Variants in COG5 observed in about 807,000 individuals in gnomAD.
COG5 encodes the protein component of oligomeric golgi complex 5.
Under a neutral mutation model 110.4 loss-of-function variants are expected in COG5, and 86 were observed. The ratio of observed to expected loss-of-function variants is 0.78; its 90% CI spans 0.65 to 0.93. The LOEUF (loss-of-function observed/expected upper bound fraction) is 0.93, where lower values mean the gene tolerates loss of function less well. COG5 is among the 40% of genes least tolerant of loss of function. The probability of loss-of-function intolerance (pLI) is 0.00; values close to 1 mark genes in which losing one functional copy is unlikely to be tolerated. For missense variants in COG5, 1,077 were observed against 987.0 expected (o/e 1.09, Z -1.22); for synonymous variants, 360 against 334.6 (o/e 1.08, Z -0.83).
At chr7:107,463,518 T>A (rs1293321313) in intron 6 of COG5, among the ~76,000 whole-genome samples, 1 of 152,216 alleles carries the variant, frequency 6.6e-6, no homozygotes, top group Non-Finnish European at 1.5e-5. Flanking sequence ...CTGTAAGTAT[T>A]CATAGTGTAA....
chr7:107,517,725 T>C (rs1442179471), intron 6 of COG5, among the ~76,000 whole-genome samples: 1 of 144,950 alleles, frequency 6.9e-6, no homozygotes, highest in African/African-American at 2.6e-5. Context: ...TGTGATGGAG[T>C]CTCACTCTGT....
intron 6 of COG5, among the ~76,000 whole-genome samples, chr7:107,516,716 G>T (rs1481444071): frequency 1.3e-5 from 2 of 152,122 alleles, no homozygotes; most frequent in African/African-American, 4.8e-5. Flanking sequence ...ATACCCAGGT[G>T]AACAGGGTCT....
At chr7:107,513,042 C>T (rs1312685341) in intron 6 of COG5, among the ~76,000 whole-genome samples, 2 of 151,926 alleles carry the variant, frequency 1.3e-5, no homozygotes, top group Admixed American at 1.3e-4. Context: ...ACAAAATTGA[C>T]AAATGGGATC....
Position 107,362,092 on chromosome 7 carries a change from CT to C in COG5, c.966del (p.Val323TyrfsTer18). 1.2e-6 allele frequency: 2 copies of C among 1,608,508 alleles called. No individual in the cohort carries two copies. Among genetic ancestry groups the C allele is most frequent in the Non-Finnish European group, 1.7e-6 (2 of 1,175,840 alleles). ...AVCGQVQHLQ[K>X]VLAKKRDPVS... ...ACAGGATCTCTCTTCTTGGCCAATA[CT>C]TTTTGTAGATGTTGTACCTTAAATG... On this transcript the variant is annotated frameshift_variant, in exon 10 of 22. Coordinates refer to ENST00000297135, the MANE Select transcript of COG5 (RefSeq NM_006348.5). LOFTEE classifies it high-confidence loss of function.
chr7:107,431,486 A>C (rs1349207478), intron 6 of COG5, among the ~76,000 whole-genome samples: 1 of 152,212 alleles, frequency 6.6e-6, no homozygotes, highest in African/African-American at 2.4e-5. Flanking sequence ...CTCTAATTTA[A>C]AACTTTTTAA....
chr7:107,407,320 T>G (rs1438452207), intron 7 of COG5, among the ~76,000 whole-genome samples: 2 of 152,114 alleles, frequency 1.3e-5, no homozygotes, highest in African/African-American at 4.8e-5. Context: ...AGTCGGAGGT[T>G]TCAGTGAGCC....
chr7:107,308,190 C>T (rs1274829893), intron 11 of COG5, among the ~76,000 whole-genome samples: 3 of 152,172 alleles, frequency 2.0e-5, no homozygotes, highest in African/African-American at 4.8e-5. Context: ...ATCCTCTGAT[C>T]CTGTATTTCC....
chr7:107,313,985 G>A (rs1226349458), intron 11 of COG5, among the ~76,000 whole-genome samples: 1 of 152,008 alleles, frequency 6.6e-6, no homozygotes, highest in Non-Finnish European at 1.5e-5. Context: ...GCACAAAATG[G>A]GAAATCACCC....
In COG5 at chr7:107,283,742, C is replaced by T; in HGVS notation, c.1314-10G>A. The T allele has an allele frequency of 6.2e-7, 1 of 1,611,892 alleles. No individual in the cohort carries two copies. The highest frequency in any genetic ancestry group is 8.5e-7 in the Non-Finnish European group (1 of 1,178,232). On this transcript the variant is annotated splice_polypyrimidine_tract_variant and intron_variant, in intron 12 of 21. Coordinates refer to ENST00000297135, the MANE Select transcript of COG5 (RefSeq NM_006348.5). ...CAAAGCCTTTTCTGGACTGTGGAAA[C>T]AAAATTTTTTAAAAACTAACTTAAA... is the stretch of plus-strand genomic sequence containing the variant.
chr7:107,509,147 G>GA (rs1413024030), intron 6 of COG5, among the ~76,000 whole-genome samples: 5 of 151,920 alleles, frequency 3.3e-5, no homozygotes, highest in Admixed American at 1.3e-4. Flanking sequence ...TAAAAACCTT[G>GA]AAAAAAAAGT....
At chr7:107,529,312 G>A (rs999582051) in intron 5 of COG5, among the ~76,000 whole-genome samples, 3 of 152,210 alleles carry the variant, frequency 2.0e-5, no homozygotes, top group Admixed American at 1.3e-4. Flanking sequence ...GTCGGTTGAT[G>A]ATTTGGAAGT....
chr7:107,234,603 T>G (rs1801028277), intron 18 of COG5, among the ~76,000 whole-genome samples: 1 of 152,088 alleles, frequency 6.6e-6, no homozygotes, highest in Admixed American at 6.6e-5. Flanking sequence ...CGGCTGCCAC[T>G]CTAATTGGAC....
intron 14 of COG5, among the ~76,000 whole-genome samples, chr7:107,269,385 GA>G (rs1248807207): frequency 6.6e-6 from 1 of 151,460 alleles, no homozygotes; most frequent in Admixed American, 6.6e-5. Context: ...TGAGGCAGGA[GA>G]ATGGCATGAA....
rs187904948 is a variant in COG5, at chr7:107,287,549, C to T, written c.1314-3817G>A. 9.9e-5 allele frequency among the ~76,000 whole-genome samples: 15 copies of T among 152,284 alleles called. No individual in the cohort carries two copies. In the East Asian group the frequency reaches 2.7e-3, roughly 27 times the overall value. ...TACAATTTGATGAATTTTGTATATTCAGAGATCTGTGCTATCATCACCACA... is the reference window on the plus strand; with the variant it reads ...TACAATTTGATGAATTTTGTATATTTAGAGATCTGTGCTATCATCACCACA... On this transcript the variant is annotated intron_variant, in intron 12 of 21. Coordinates refer to ENST00000297135, the MANE Select transcript of COG5 (RefSeq NM_006348.5).
intron 8 of COG5, among the ~76,000 whole-genome samples, chr7:107,368,071 G>A (rs1465071744): frequency 2.0e-5 from 3 of 152,066 alleles, no homozygotes; most frequent in African/African-American, 7.2e-5. Context: ...GGGGCGGGAA[G>A]GGAAAAGTAT....
At chr7:107,269,598 T>C (rs1168003750) in intron 14 of COG5, among the ~76,000 whole-genome samples, 1 of 152,258 alleles carries the variant, frequency 6.6e-6, no homozygotes, top group African/African-American at 2.4e-5. Flanking sequence ...ATTTTATACC[T>C]TAATGTGGAC....
chr7:107,527,281 C>T lies in COG5; in HGVS notation c.494G>A (p.Gly165Glu). Residue 165 changes from glycine (G) to glutamate (E), a missense_variant, in exon 6 of 22, where the codon GGA becomes GAA. By Grantham distance (98) the Gly-to-Glu change is moderately conservative (BLOSUM62 -2). Transcript: ENST00000297135. ...AGCAGCTTTTGTTATCTCTCTACTT[C>T]CCCCTTGCAGTTGTCCTTGGAGTCT... is the stretch of plus-strand genomic sequence containing the variant. Reference protein sequence around the residue: ...SKRLQGQLQGGSREITKAAQS... With the variant: ...SKRLQGQLQGESREITKAAQS... 1.2e-6 allele frequency: 2 copies of T among 1,610,420 alleles called. No homozygotes were observed. The highest frequency in any genetic ancestry group is 1.1e-5 in the South Asian group (1 of 90,638).
Position 107,298,246 on chromosome 7 carries a change from G to A in COG5, c.1209C>T (p.Ile403=). 1 of 1,613,090 alleles carries A rather than the reference G, an allele frequency of 6.2e-7. No homozygotes were observed. The highest frequency in any genetic ancestry group is 8.5e-7 in the Non-Finnish European group (1 of 1,179,324). The change falls in exon 12 of 22, where the codon ATC becomes ATT. Residue 403 remains isoleucine, a synonymous_variant. Transcript: ENST00000297135. ...WKRLQQYSQH[I]QGNFNASGTT... The stretch of plus-strand genomic sequence containing the variant: ...TTCCACTTGCATTAAAATTCCCTTG[G>A]ATATGCTGACTGTATTGTTGAAGAC...
At chr7:107,275,351 T>A (rs1029844876) in intron 14 of COG5, among the ~76,000 whole-genome samples, 1 of 151,690 alleles carries the variant, frequency 6.6e-6, no homozygotes, top group Non-Finnish European at 1.5e-5. Flanking sequence ...TGTGTTTGTA[T>A]CACAGAGAAA....
Sources: allele counts gnomAD v4.1 joint callset (sites outside exome capture counted in the v4.1 genomes callset), GRCh38; gene constraint gnomAD v4.1.1; transcripts MANE v1.5; gene names NCBI Gene and HGNC (gene_info 2026-07-23, HGNC 2026-07-21).